NKTR: variants seen among roughly 807,000 people sequenced by gnomAD.
NKTR encodes the protein NK-tumor recognition protein.
NKTR carries 67 observed loss-of-function variants against 156.3 expected under a neutral mutation model. The ratio of observed to expected loss-of-function variants is 0.43; its 90% confidence interval spans 0.35 to 0.53. The LOEUF (loss-of-function observed/expected upper bound fraction) is 0.53. Among genes scored for constraint, NKTR ranks in the 20% least tolerant of loss-of-function variants. NKTR has a pLI of 0.01. For synonymous variants in NKTR, 640 were observed against 596.6 expected, an observed-to-expected ratio of 1.07 and a Z score of -1.06; for missense variants, 1,604 against 1,730.9, an observed-to-expected ratio of 0.93 and a Z score of 1.30.
At chr3:42,606,883 CA>C (rs1192913105) in intron 2 of NKTR, among the ~76,000 whole-genome samples, 10 of 151,438 alleles carry the variant, frequency 6.6e-5, no homozygotes, top group Non-Finnish European at 1.5e-4. Context: ...TTTTTAGAGA[CA>C]GAGTATCACT....
chr3:42,603,380 A>G (rs1043270277), intron 2 of NKTR, among the ~76,000 whole-genome samples: 2 of 143,774 alleles, frequency 1.4e-5, no homozygotes, highest in African/African-American at 5.3e-5. Context: ...AAAAAAAAAA[A>G]AAAAACAGCT....
intron 13 of NKTR, among the ~76,000 whole-genome samples, chr3:42,641,535 G>C (rs967855956): frequency 5.3e-5 from 8 of 152,158 alleles, no homozygotes; most frequent in African/African-American, 1.7e-4. Context: ...AATGATAAAA[G>C]TATAAAAAGC....
chr3:42,627,940 C>T (rs1232697153), intron 6 of NKTR: 1 of 985,140 alleles, frequency 1.0e-6, no homozygotes, highest in East Asian at 1.1e-4. Flanking sequence ...AGCTCTCTGC[C>T]TCTTTTAGTA....
At chr3:42,636,199 G>A (rs1709399014) in intron 12 of NKTR, among the ~76,000 whole-genome samples, 1 of 152,178 alleles carries the variant, frequency 6.6e-6, no homozygotes, top group African/African-American at 2.4e-5. Flanking sequence ...TTTCTCTGGG[G>A]ACATCCTGCA....
rs1705875929 is a variant in NKTR, at chr3:42,603,781, G to C, written c.58+2717G>C. Among the ~76,000 whole-genome samples the C allele has an allele frequency of 3.4e-5, 5 of 147,650 alleles. No homozygotes were observed. The South Asian group carries it at 1.1e-3, about 31-fold the overall frequency. ...GGCGAAGTCTCACTTTTTCACCCAG[G>C]CTGGAGTGCAGTGGTGCCATCTCGG... On this transcript the variant is annotated intron_variant, in intron 2 of 16. Transcript: ENST00000232978.
At chr3:42,628,579 G>A in intron 6 of NKTR, 3 of 985,420 alleles carry the variant, frequency 3.0e-6, no homozygotes, top group Non-Finnish European at 3.6e-6. Flanking sequence ...AATACTGCAG[G>A]ATCTGTGAGT....
At chr3:42,617,830 A>C in intron 3 of NKTR, among the ~76,000 whole-genome samples, 186 bp downstream of exon 3, 1 of 152,080 alleles carries the variant, frequency 6.6e-6, no homozygotes, top group Admixed American at 6.5e-5. Flanking sequence ...GGAAGAGATT[A>C]GAAAGGAATG....
chr3:42,627,179 A>G, intron 6 of NKTR: 1 of 970,532 alleles, frequency 1.0e-6, no homozygotes, highest in Non-Finnish European at 1.2e-6. Context: ...ATTTCTTGCC[A>G]TTTTTGTGTA....
intron 2 of NKTR, chr3:42,602,959 G>C (rs1705700755): frequency 6.6e-6 from 1 of 150,952 alleles, no homozygotes; most frequent in Non-Finnish European, 1.5e-5. Flanking sequence ...CTGGGAAGCA[G>C]AGGTTGCAGT....
chr3:42,625,543 G>A (rs1444603027), intron 6 of NKTR, among the ~76,000 whole-genome samples: 1 of 152,164 alleles, frequency 6.6e-6, no homozygotes. Context: ...AAGGAGAGTT[G>A]AGGAGTAGTT....
At chr3:42,614,524 A>G (rs528153114) in intron 2 of NKTR, among the ~76,000 whole-genome samples, 57 of 152,244 alleles carry the variant, frequency 3.7e-4, no homozygotes, top group African/African-American at 1.3e-3. Context: ...TGTTTTCTAT[A>G]AAATCATACA....
rs923821193 is a variant in NKTR at position 42,629,708 on chromosome 3, T to G, written c.375-838T>G. On this transcript the variant is annotated intron_variant, in intron 6 of 16. Transcript: ENST00000232978. Reference sequence around the variant, plus strand: ...TGAGACTAATTATCTGCTTTTGAATTTTTTCCACTGCAATTCATATAATGT... The same window carrying G: ...TGAGACTAATTATCTGCTTTTGAATGTTTTCCACTGCAATTCATATAATGT... 5 of 983,746 alleles carry G rather than the reference T, an allele frequency of 5.1e-6. No individual in the cohort carries two copies. The African/African-American group carries it at 5.2e-5, about 10-fold the overall frequency. The allele number at this position is 983,746 out of a possible 1,614,324, so 60.9% of individuals were successfully genotyped here.
At chr3:42,602,786 C>G (rs553737320) in intron 2 of NKTR, 1 of 151,640 alleles carries the variant, frequency 6.6e-6, no homozygotes, top group Non-Finnish European at 1.5e-5. Context: ...GAGGCAGACG[C>G]GGGTGTATCA....
At chr3:42,643,310 A>G (rs1235697605) in intron 14 of NKTR, 29 bp from the exon 15 acceptor site, 2 of 1,604,348 alleles carry the variant, frequency 1.2e-6, no homozygotes, top group Admixed American at 3.3e-5. Context: ...GATCTATAAG[A>G]TGATGGTCCT....
chr3:42,609,717 C>T (rs13067987), intron 2 of NKTR, among the ~76,000 whole-genome samples: 16,666 of 152,152 alleles, frequency 0.11, 1,012 homozygotes, highest in South Asian at 0.15. Flanking sequence ...TTCATGTTGG[C>T]ATTATGCCTC....
intron 2 of NKTR, chr3:42,612,384 A>G (rs1474872011): frequency 6.6e-6 from 1 of 152,182 alleles, no homozygotes; most frequent in African/African-American, 2.4e-5. Flanking sequence ...AAAAGAAAGA[A>G]CATTTTCAGA....
intron 3 of NKTR, among the ~76,000 whole-genome samples, chr3:42,618,016 G>GA (rs992500602): frequency 6.6e-6 from 1 of 151,844 alleles, no homozygotes; most frequent in African/African-American, 2.4e-5. Context: ...TAAATAAATA[G>GA]AAAAAATGGG....
intron 14 of NKTR, 39 bp from the exon 15 acceptor site, chr3:42,643,300 G>T (rs1359799009): frequency 6.3e-7 from 1 of 1,583,472 alleles, no homozygotes; most frequent in African/African-American, 1.3e-5. Flanking sequence ...GTCCTGCCCT[G>T]ATCTATAAGA....
intron 5 of NKTR, 30 bp from the exon 6 acceptor site, chr3:42,621,399 G>T: frequency 6.3e-7 from 1 of 1,586,802 alleles, no homozygotes; most frequent in South Asian, 1.2e-5. Flanking sequence ...TATAATTGGA[G>T]ACTGACAAAT....
Sources: allele counts gnomAD v4.1 joint callset (sites outside exome capture counted in the v4.1 genomes callset), GRCh38; gene constraint gnomAD v4.1.1; transcripts MANE v1.5; gene names NCBI Gene and HGNC (gene_info 2026-07-23, HGNC 2026-07-21).